The following HEPACAM2 variants were observed in gnomAD, a reference collection of about 807,000 sequenced individuals.
The protein encoded by HEPACAM2 is mitotic kinetics regulator.
A neutral mutation model predicts 49.6 loss-of-function variants in HEPACAM2; 49 were observed. That is an observed-to-expected ratio of 0.99 (90% confidence interval 0.78 to 1.25). The LOEUF (loss-of-function observed/expected upper bound fraction) is 1.25. Among genes scored for constraint, HEPACAM2 ranks in the 50% most tolerant of loss-of-function variants. The pLI is 0.00. For missense variants in HEPACAM2, 525 were observed against 557.2 expected (o/e 0.94, Z 0.58); for synonymous variants, 197 against 202.9 (o/e 0.97, Z 0.25).
Position 93,219,338 on chromosome 7 carries a change from G to T in HEPACAM2, c.193C>A (p.Gln65Lys). 1 of 1,614,000 alleles carries T rather than the reference G, an allele frequency of 6.2e-7. No homozygotes were observed. The highest frequency in any genetic ancestry group is 2.2e-5 in the East Asian group (1 of 44,874). The change falls in exon 2 of 10, where the codon CAG becomes AAG. Residue 65 changes from glutamine (Q) to lysine (K), a missense_variant. Physicochemically the swap from Gln to Lys is moderately conservative, Grantham distance 53. Coordinates refer to ENST00000394468, the MANE Select transcript of HEPACAM2 (RefSeq NM_001039372.4). ...YGFHTPASDIQIIWLFERPHT... is the reference protein window; with the variant it reads ...YGFHTPASDIKIIWLFERPHT... ...GGTCTCTCAAATAGCCATATGATCT[G>T]GATGTCTGATGCTGGAGTGTGGAAG...
chr7:93,220,685 C>G lies in HEPACAM2; in HGVS notation c.80-1234G>C, dbSNP rs1307050321. The stretch of plus-strand genomic sequence containing the variant: ...CATGGAGCTCTGCCCAGTGGATAGC[C>G]CTGGGCAGTGCTGGGGATTTGTGGA... On this transcript the variant is annotated intron_variant, in intron 1 of 9. Coordinates refer to ENST00000394468, the MANE Select transcript of HEPACAM2 (RefSeq NM_001039372.4). Among the ~76,000 whole-genome samples the G allele has an allele frequency of 2.0e-5, 3 of 152,156 alleles. No individual in the cohort carries two copies. In the East Asian group the frequency reaches 5.8e-4, roughly 29 times the overall value.
At chr7:93,232,263 G>C in the HEPACAM2 span, 2 of 547,988 alleles carry the variant, frequency 3.6e-6, no homozygotes, top group African/African-American at 1.9e-5. Flanking sequence ...TGTAGTCCCT[G>C]GGTTGGCCAC....
At chr7:93,200,759 A>G (rs1401498724) in intron 4 of HEPACAM2, among the ~76,000 whole-genome samples, 1 of 152,146 alleles carries the variant, frequency 6.6e-6, no homozygotes, top group Non-Finnish European at 1.5e-5. Context: ...TCATGCATTT[A>G]TATGATTATC....
intron 4 of HEPACAM2, among the ~76,000 whole-genome samples, chr7:93,198,428 C>A (rs1186312930): frequency 6.6e-6 from 1 of 152,038 alleles, no homozygotes; most frequent in Non-Finnish European, 1.5e-5. Context: ...GTGGTAGAAT[C>A]CAGATGTTAC....
In HEPACAM2 at chr7:93,202,200, A is replaced by C. The variant is rs897788386; in HGVS notation, c.1013-4590T>G. ...TGAATTCTCTATTTCGTCATTTTAG[A>C]TCTGACAATAAAATAAAAACTAGCT... On this transcript the variant is annotated intron_variant, in intron 4 of 9. Coordinates refer to ENST00000394468, the MANE Select transcript of HEPACAM2 (RefSeq NM_001039372.4). 2.0e-5 allele frequency among the ~76,000 whole-genome samples: 3 copies of C among 150,832 alleles called. No individual in the cohort carries two copies. In the South Asian group the frequency reaches 6.2e-4, roughly 31 times the overall value.
chr7:93,223,035 C>T (rs1794479501), intron 1 of HEPACAM2, among the ~76,000 whole-genome samples: 1 of 152,140 alleles, frequency 6.6e-6, no homozygotes, highest in Non-Finnish European at 1.5e-5. Flanking sequence ...AGCTGCATGG[C>T]TGCTAATAGG....
intron 2 of HEPACAM2, 103 bp from the exon 3 acceptor site, chr7:93,215,788 C>T (rs1794295223): frequency 1.8e-6 from 2 of 1,112,606 alleles, no homozygotes; most frequent in Admixed American, 5.0e-5. Flanking sequence ...ATTATTCCAG[C>T]ATTTTACACT....
In HEPACAM2 at chr7:93,212,955, A is replaced by G. The variant is rs564753444; in HGVS notation, c.715+2446T>C. On this transcript the variant is annotated intron_variant, in intron 3 of 9. Transcript: ENST00000394468. ...TCTTGCCTTTGGCAGAGAGCTCCCA[A>G]TAGAAATGAACCCTTTGCCTTGGGG... is the stretch of plus-strand genomic sequence containing the variant. Among the ~76,000 whole-genome samples, 13 of 152,194 alleles carry G rather than the reference A, an allele frequency of 8.5e-5. No individual in the cohort carries two copies. In the South Asian group the frequency reaches 1.2e-3, roughly 15 times the overall value.
upstream of HEPACAM2, among the ~76,000 whole-genome samples, chr7:93,231,098 CCT>C (rs1376433830): frequency 6.6e-6 from 1 of 152,116 alleles, no homozygotes; most frequent in Non-Finnish European, 1.5e-5. Flanking sequence ...TCAGAAATAA[CCT>C]CTGTTAGTGT....
chr7:93,193,589 A>C (rs1479162525), intron 8 of HEPACAM2, among the ~76,000 whole-genome samples: 1 of 152,094 alleles, frequency 6.6e-6, no homozygotes, highest in African/African-American at 2.4e-5. Flanking sequence ...ATACCACACA[A>C]TATGCCAAGA....
rs1335424577 is a variant in HEPACAM2, at chr7:93,189,025, G to A, written c.*242C>T. 4 of 474,932 alleles carry A rather than the reference G, an allele frequency of 8.4e-6. No individual in the cohort carries two copies. In the Admixed American group the frequency reaches 1.5e-4, roughly 18 times the overall value. The allele number at this position is 474,932 out of a possible 1,614,324, so 29.4% of individuals were successfully genotyped here. ...TCGTTCTCCCCGTCAGCATGAGAAC[G>A]ACTCTCCACTGAGGAATATTTCCCC... On this transcript the variant is annotated 3_prime_UTR_variant, in exon 10 of 10. Transcript: ENST00000394468.
At chr7:93,204,367 TATCTATC>T (rs1435471899) in intron 4 of HEPACAM2, among the ~76,000 whole-genome samples, 1 of 147,074 alleles carries the variant, frequency 6.8e-6, no homozygotes, top group East Asian at 2.0e-4. Flanking sequence ...TCTATCTATC[TATCTATC>T]ATCTCTCTGT....
At chr7:93,215,241 A>G (rs1794271871) in intron 3 of HEPACAM2, among the ~76,000 whole-genome samples, 160 bp downstream of exon 3, 1 of 152,200 alleles carries the variant, frequency 6.6e-6, no homozygotes, top group South Asian at 2.1e-4. Flanking sequence ...GACATATTTC[A>G]TACAAGACAG....
chr7:93,197,305 T>A (rs561889533), intron 6 of HEPACAM2, 27 bp from the exon 7 acceptor site: 2 of 1,609,904 alleles, frequency 1.2e-6, no homozygotes, highest in African/African-American at 2.7e-5. Context: ...GGTATTTTTG[T>A]CAGGGATAAT....
At chr7:93,201,880 G>A (rs1793892861) in intron 4 of HEPACAM2, among the ~76,000 whole-genome samples, 1 of 151,648 alleles carries the variant, frequency 6.6e-6, no homozygotes, top group Admixed American at 6.6e-5. Flanking sequence ...TACCATCCTA[G>A]AGGTGCACTT....
At chr7:93,224,101 T>C (rs1017339664) in intron 1 of HEPACAM2, among the ~76,000 whole-genome samples, 3 of 152,094 alleles carry the variant, frequency 2.0e-5, no homozygotes, top group Non-Finnish European at 2.9e-5. Context: ...AAAATCATCC[T>C]CTGCATGAAC....
At chr7:93,196,510 G>C (rs1793724625) in intron 7 of HEPACAM2, among the ~76,000 whole-genome samples, 1 of 152,072 alleles carries the variant, frequency 6.6e-6, no homozygotes, top group Non-Finnish European at 1.5e-5. Context: ...CTAGAAAAGA[G>C]GAAGAAGGCC....
Position 93,215,653 on chromosome 7 carries a change from G to A in HEPACAM2, c.463C>T (p.Pro155Ser), listed in dbSNP as rs1794290374. 1 of 1,613,466 alleles carries A rather than the reference G, an allele frequency of 6.2e-7. No homozygotes were observed. Among genetic ancestry groups the A allele is most frequent in the Non-Finnish European group, 8.5e-7 (1 of 1,179,732 alleles). ...ACATACTCCACAGCCCCAGAGGGAGGATGAATCTGCACCACTGGCTTTGTG... is the reference window on the plus strand; with the variant it reads ...ACATACTCCACAGCCCCAGAGGGAGAATGAATCTGCACCACTGGCTTTGTG... ...PVTKPVVQIH[P>S]PSGAVEYVGN... The change falls in exon 3 of 10, where the codon CCT becomes TCT. Residue 155 changes from proline (P) to serine (S), a missense_variant. Coordinates refer to ENST00000394468, the MANE Select transcript of HEPACAM2 (RefSeq NM_001039372.4).
intron 4 of HEPACAM2, chr7:93,205,647 C>T (rs1431387348): frequency 6.6e-6 from 1 of 152,096 alleles, no homozygotes; most frequent in East Asian, 1.9e-4. Flanking sequence ...AGAGTAGGCT[C>T]AACTGATACT....
Sources: allele counts gnomAD v4.1 joint callset (sites outside exome capture counted in the v4.1 genomes callset), GRCh38; gene constraint gnomAD v4.1.1; transcripts MANE v1.5; gene names NCBI Gene and HGNC (gene_info 2026-07-23, HGNC 2026-07-21).